The following SYNE2 variants were observed in gnomAD, a reference collection of about 807,000 sequenced individuals.
The protein encoded by SYNE2 is nesprin-2.
A neutral mutation model predicts 856.3 loss-of-function variants in SYNE2; 431 were observed. The observed-to-expected ratio is 0.50, with a 90% CI of 0.47 to 0.55. The LOEUF (loss-of-function observed/expected upper bound fraction) is 0.55, where lower values mean the gene tolerates loss of function less well. Among genes scored for constraint, SYNE2 ranks in the 20% least tolerant of loss-of-function variants. The pLI, the probability that SYNE2 is intolerant of heterozygous loss-of-function variation, is 0.00. For synonymous variants in SYNE2, 2,923 were observed against 2,872.3 expected (o/e 1.02, Z -0.56); for missense variants, 8,129 against 8,023.2 (o/e 1.01, Z -0.50).
intron 2 of SYNE2, among the ~76,000 whole-genome samples, chr14:63,935,024 T>C (rs1407696939): frequency 1.3e-5 from 2 of 152,210 alleles, no homozygotes; most frequent in Non-Finnish European, 2.9e-5. Flanking sequence ...TGATGCTTTT[T>C]TTTTTTGGGA....
At chr14:63,953,280 C>T (rs1276210606) in intron 7 of SYNE2, among the ~76,000 whole-genome samples, 1 of 152,160 alleles carries the variant, frequency 6.6e-6, no homozygotes, top group African/African-American at 2.4e-5. Context: ...TGCGGAGAGA[C>T]TTTAAGCTGA....
intron 99 of SYNE2, among the ~76,000 whole-genome samples, chr14:64,196,561 T>C (rs2098541486): frequency 6.6e-6 from 1 of 152,208 alleles, no homozygotes; most frequent in Non-Finnish European, 1.5e-5. Flanking sequence ...ATATTTCTTC[T>C]TTAAGAGGAC....
At chr14:64,177,229 T>A in intron 95 of SYNE2, 129 bp from the exon 96 acceptor site, 1 of 1,153,410 alleles carries the variant, frequency 8.7e-7, no homozygotes, top group Non-Finnish European at 1.3e-6. Flanking sequence ...GACAGGGAAC[T>A]GGGTGTCTGT....
intron 105 of SYNE2, 37 bp downstream of exon 105, chr14:64,213,042 G>A (rs200624254): frequency 1.2e-6 from 2 of 1,610,454 alleles, no homozygotes; most frequent in African/African-American, 1.3e-5. Context: ...CACCTGGGCT[G>A]CTCAGAGTTT....
intron 2 of SYNE2, among the ~76,000 whole-genome samples, chr14:63,934,836 T>C (rs2095810145): frequency 6.6e-6 from 1 of 152,208 alleles, no homozygotes; most frequent in Non-Finnish European, 1.5e-5. Flanking sequence ...GAGTAATCTT[T>C]GTTTTTGTTG....
At chr14:64,047,699 G>A (rs1032348719) in intron 45 of SYNE2, among the ~76,000 whole-genome samples, 3 of 152,154 alleles carry the variant, frequency 2.0e-5, no homozygotes, top group African/African-American at 7.2e-5. Flanking sequence ...GAACACTAAA[G>A]CATACACTTT....
intron 90 of SYNE2, among the ~76,000 whole-genome samples, chr14:64,166,540 A>C (rs1264731173): frequency 1.3e-5 from 2 of 152,224 alleles, no homozygotes; most frequent in Admixed American, 1.3e-4. Context: ...TTGCTCTGCT[A>C]GAGTTATTTT....
At chr14:64,090,372 G>C (rs908171862) in intron 59 of SYNE2, among the ~76,000 whole-genome samples, 1 of 152,132 alleles carries the variant, frequency 6.6e-6, no homozygotes, top group African/African-American at 2.4e-5. Flanking sequence ...CTAATGTATT[G>C]GTTACATAAA....
rs1242195284 is a variant in SYNE2, at chr14:64,022,745, C to T, written c.5525-6C>T. The T allele has an allele frequency of 8.1e-6, 12 of 1,473,784 alleles. No individual in the cohort carries two copies. Among genetic ancestry groups the T allele is most frequent in the Admixed American group, 1.7e-5 (1 of 59,276 alleles). The allele number at this position is 1,473,784 out of a possible 1,614,324, so 91.3% of individuals were successfully genotyped here. Reference sequence around the variant, plus strand: ...AATGAATAGAGCTTTTTTTTTCCCCCTGCAGATCAATGCAAGAACTTTAAT... The same window carrying T: ...AATGAATAGAGCTTTTTTTTTCCCCTTGCAGATCAATGCAAGAACTTTAAT... On this transcript the variant is annotated splice_polypyrimidine_tract_variant and splice_region_variant and intron_variant, in intron 37 of 115. Coordinates refer to ENST00000555002, the MANE Select transcript of SYNE2 (RefSeq NM_182914.3).
intron 112 of SYNE2, 119 bp from the exon 113 acceptor site, chr14:64,223,070 G>C: frequency 1.0e-6 from 1 of 974,342 alleles, no homozygotes; most frequent in South Asian, 1.3e-5. Context: ...GAGGATTCTC[G>C]AGTTGAGTAC....
At chr14:64,191,734 G>A (rs976318518) in intron 99 of SYNE2, among the ~76,000 whole-genome samples, 2 of 152,144 alleles carry the variant, frequency 1.3e-5, no homozygotes, top group African/African-American at 2.4e-5. Context: ...TGGCAACATA[G>A]ACTGGCCCAA....
chr14:63,824,832 T>C (rs1456003429), intron 1 of SYNE2, among the ~76,000 whole-genome samples: 1 of 152,082 alleles, frequency 6.6e-6, no homozygotes, highest in African/African-American at 2.4e-5. Context: ...AATTAATTTT[T>C]TTTTAAGAGT....
In SYNE2 at chr14:64,224,530, C is replaced by G. The variant is rs777951739; in HGVS notation, c.20452C>G (p.Pro6818Ala). The G allele has an allele frequency of 3.1e-6, 5 of 1,613,974 alleles. No individual in the cohort carries two copies. The highest frequency in any genetic ancestry group is 1.7e-5 in the Admixed American group (1 of 59,998). Residue 6818 changes from proline (P) to alanine (A), a missense_variant, in exon 114 of 116, where the codon CCA becomes GCA. By Grantham distance (27) the Pro-to-Ala change is conservative (BLOSUM62 -1). Transcript: ENST00000555002. ...SGDQPPATSV[P>A]APRAKFRAVR... ...GGACCAGCCTCCTGCAACATCCGTGCCAGCTCCCCGAGCAAAGGTAAGAAG... is the reference window on the plus strand; with the variant it reads ...GGACCAGCCTCCTGCAACATCCGTGGCAGCTCCCCGAGCAAAGGTAAGAAG...
intron 1 of SYNE2, among the ~76,000 whole-genome samples, chr14:63,777,855 G>A (rs1887165636): frequency 6.6e-6 from 1 of 152,078 alleles, no homozygotes; most frequent in East Asian, 1.9e-4. Flanking sequence ...TTTTGGTAGA[G>A]GCAGGGTCTT....
intron 85 of SYNE2, among the ~76,000 whole-genome samples, chr14:64,157,541 A>T (rs750540072): frequency 1.3e-5 from 2 of 152,132 alleles, no homozygotes; most frequent in Admixed American, 6.6e-5. Context: ...TCGTGCTGCT[A>T]TGAACATTTG....
chr14:63,990,430 CTA>C lies in SYNE2; in HGVS notation c.2335_2336del (p.Met779ValfsTer2). On this transcript the variant is annotated frameshift_variant, in exon 20 of 116. Coordinates refer to ENST00000555002, the MANE Select transcript of SYNE2 (RefSeq NM_182914.3). LOFTEE classifies it high-confidence loss of function. ...TAATAGCATCTTATTGCCAAAGGCT[CTA>C]TGTTTGATGAGCTTATGGCAAGAAG... 4 of 1,613,068 alleles carry C rather than the reference CTA, an allele frequency of 2.5e-6. No homozygotes were observed. The highest frequency in any genetic ancestry group is 3.4e-6 in the Non-Finnish European group (4 of 1,179,890).
chr14:63,900,971 C>T (rs778542269), intron 1 of SYNE2, among the ~76,000 whole-genome samples: 3 of 152,262 alleles, frequency 2.0e-5, no homozygotes, highest in African/African-American at 7.2e-5. Flanking sequence ...GGAAAAAGAA[C>T]AGGAGAGACA....
Position 64,122,316 on chromosome 14 carries a change from TCCAGACTCG to T in SYNE2, c.13312_13320del (p.Pro4438_Ser4440del). 1 of 1,614,206 alleles carries T rather than the reference TCCAGACTCG, an allele frequency of 6.2e-7. No individual in the cohort carries two copies. Among genetic ancestry groups the T allele is most frequent in the Non-Finnish European group, 8.5e-7 (1 of 1,180,026 alleles). ...AGGCATCCAGCCCTGAAAATGACGT[TCCAGACTCG>T]ATCTTGTCACCCCAGGGCCAAAATG... On this transcript the variant is annotated inframe_deletion, in exon 70 of 116. Transcript: ENST00000555002.
Position 64,024,476 on chromosome 14 carries a change from A to G in SYNE2, c.5840+17A>G, listed in dbSNP as rs1286949406. The G allele has an allele frequency of 1.2e-6, 2 of 1,607,094 alleles. No homozygotes were observed. The highest frequency in any genetic ancestry group is 1.7e-5 in the Admixed American group (1 of 59,966). On this transcript the variant is annotated intron_variant, in intron 39 of 115. Coordinates refer to ENST00000555002, the MANE Select transcript of SYNE2 (RefSeq NM_182914.3). Reference sequence around the variant, plus strand: ...GCTACTGAGGTAGGAAATAAAGATGATATCTAAATAACATGTTTTCTAACC... The same window carrying G: ...GCTACTGAGGTAGGAAATAAAGATGGTATCTAAATAACATGTTTTCTAACC...
Sources: gnomAD v4.1 joint callset for allele counts (sites outside exome capture counted in the v4.1 genomes callset) on GRCh38, gnomAD v4.1.1 for gene constraint, MANE v1.5 for transcripts, NCBI Gene and HGNC (gene_info 2026-07-23, HGNC 2026-07-21) for gene names.